Variants in FHIT observed in about 807,000 individuals in gnomAD.
The protein encoded by FHIT is fragile histidine triad diadenosine triphosphatase, also known as bis(5'-adenosyl)-triphosphatase.
Under a neutral mutation model 17.9 loss-of-function variants are expected in FHIT, and 19 were observed. That is an observed-to-expected ratio of 1.06 (90% CI 0.74 to 1.56). The LOEUF is 1.56. Among genes scored for constraint, FHIT ranks in the 40% most tolerant of loss-of-function variants. The probability of loss-of-function intolerance (pLI) is 0.00; values close to 1 mark genes in which losing one functional copy is unlikely to be tolerated. For missense variants in FHIT, 248 were observed against 189.2 expected (o/e 1.31, Z -1.82); for synonymous variants, 81 against 69.7 (o/e 1.16, Z -0.81).
intron 2 of FHIT, among the ~76,000 whole-genome samples, chr3:61,054,096 T>C (rs940155146): frequency 6.6e-6 from 1 of 152,180 alleles, no homozygotes; most frequent in Non-Finnish European, 1.5e-5. Flanking sequence ...ACAGCACTGG[T>C]GTGGTATCCC....
intron 5 of FHIT, among the ~76,000 whole-genome samples, chr3:60,272,608 C>T (rs1044013411): frequency 1.3e-5 from 2 of 152,190 alleles, no homozygotes; most frequent in Non-Finnish European, 2.9e-5. Context: ...TCAAAGAATA[C>T]TCTTGAAGTT....
intron 8 of FHIT, among the ~76,000 whole-genome samples, chr3:59,876,931 A>G (rs1265782299): frequency 6.6e-6 from 1 of 152,196 alleles, no homozygotes; most frequent in Non-Finnish European, 1.5e-5. Flanking sequence ...ATGCTCAGCT[A>G]GCTGAGGAGA....
In FHIT at chr3:60,631,069, C is replaced by A. The variant is rs146112381; in HGVS notation, c.-17-94090G>T. On this transcript the variant is annotated intron_variant, in intron 4 of 9. Coordinates refer to ENST00000492590, the MANE Select transcript of FHIT (RefSeq NM_002012.4). ...TAAGTTTCAAAGAGGAGGCAGATAA[C>A]TTTGAAGATTTTATTTCACAGGGGA... 5.0e-3 allele frequency among the ~76,000 whole-genome samples: 762 copies of A among 151,798 alleles called. 7 individuals are homozygous for A. The highest frequency in any genetic ancestry group is 0.016 in the African/African-American group (682 of 41,400).
intron 4 of FHIT, among the ~76,000 whole-genome samples, chr3:60,737,059 A>G (rs1215491694): frequency 2.0e-5 from 3 of 152,232 alleles, no homozygotes; most frequent in African/African-American, 7.2e-5. Context: ...GTCAACAAAT[A>G]TATAGCAGGC....
intron 5 of FHIT, among the ~76,000 whole-genome samples, chr3:60,165,637 A>G (rs895505357): frequency 1.3e-5 from 2 of 152,182 alleles, no homozygotes; most frequent in African/African-American, 4.8e-5. Flanking sequence ...GAGATTATAA[A>G]GATACCTATC....
Position 61,251,359 on chromosome 3 carries a change from C to T in FHIT, c.-271G>A, listed in dbSNP as rs1284257607. On this transcript the variant is annotated 5_prime_UTR_variant, in exon 1 of 10. Coordinates refer to ENST00000492590, the MANE Select transcript of FHIT (RefSeq NM_002012.4). ...AGAGGGAGGGAGCGCGGGGCCGGAGCGCCGCCTGGGAGTGTGCCCACTGGG... is the reference window on the plus strand; with the variant it reads ...AGAGGGAGGGAGCGCGGGGCCGGAGTGCCGCCTGGGAGTGTGCCCACTGGG... 6.5e-6 allele frequency: 1 copy of T among 153,102 alleles called. No individual in the cohort carries two copies. Among genetic ancestry groups the T allele is most frequent in the Non-Finnish European group, 1.5e-5 (1 of 68,658 alleles). 9.5% of individuals were successfully genotyped at this position (153,102 alleles called of 1,614,324 possible).
chr3:60,044,608 T>C lies in FHIT; in HGVS notation c.104-30456A>G, dbSNP rs180756702. 2.0e-3 allele frequency among the ~76,000 whole-genome samples: 307 copies of C among 152,220 alleles called. 2 individuals carry two copies. The highest frequency in any genetic ancestry group is 7.0e-3 in the African/African-American group (291 of 41,498). On this transcript the variant is annotated intron_variant, in intron 5 of 9. Transcript: ENST00000492590. Reference sequence around the variant, plus strand: ...ATATCATGGTAAAGGCCTGTAGAAATTGATCTACCAGACAAAACTCAAGAG... The same window carrying C: ...ATATCATGGTAAAGGCCTGTAGAAACTGATCTACCAGACAAAACTCAAGAG...
At position 60,371,633 on chromosome 3, in the gene FHIT, T is replaced by C. The variant is rs369971572; in HGVS notation, c.103+165227A>G. ...GCAATAACTTCTAACATTAGAGTTA[T>C]CATTCTGCTCTATGATGTAACTTAG... On this transcript the variant is annotated intron_variant, in intron 5 of 9. Coordinates refer to ENST00000492590, the MANE Select transcript of FHIT (RefSeq NM_002012.4). Among the ~76,000 whole-genome samples the C allele has an allele frequency of 1.3e-3, 196 of 152,316 alleles. 1 individual carries two copies. The highest frequency in any genetic ancestry group is 4.3e-3 in the African/African-American group (180 of 41,570).
intron 2 of FHIT, among the ~76,000 whole-genome samples, chr3:61,141,865 C>G (rs959370352): frequency 6.6e-6 from 1 of 151,562 alleles, no homozygotes; most frequent in Admixed American, 6.6e-5. Context: ...TTACTCAGGG[C>G]TTCTTTCTTT....
chr3:60,823,658 A>G (rs1702011326), intron 3 of FHIT, among the ~76,000 whole-genome samples: 1 of 152,206 alleles, frequency 6.6e-6, no homozygotes, highest in Non-Finnish European at 1.5e-5. Flanking sequence ...TTGATTTCAG[A>G]CTTGTAGCCT....
chr3:59,761,757 C>G (rs145121559), intron 8 of FHIT, among the ~76,000 whole-genome samples: 4 of 151,918 alleles, frequency 2.6e-5, no homozygotes, highest in African/African-American at 9.7e-5. Context: ...CGGGAGTGCA[C>G]CACCACACCT....
chr3:60,054,512 C>T (rs564150025), intron 5 of FHIT, among the ~76,000 whole-genome samples: 1 of 152,116 alleles, frequency 6.6e-6, no homozygotes, highest in Non-Finnish European at 1.5e-5. Context: ...TCAATGAGCA[C>T]CAGGGTTTTC....
intron 3 of FHIT, among the ~76,000 whole-genome samples, chr3:61,028,389 G>A (rs17634797): frequency 0.085 from 12,976 of 152,184 alleles, 749 homozygotes; most frequent in Non-Finnish European, 0.13. Flanking sequence ...TAGATACAAC[G>A]TGCTATGGGA....
intron 5 of FHIT, among the ~76,000 whole-genome samples, chr3:60,191,345 C>T (rs1281954319): frequency 1.3e-5 from 2 of 152,094 alleles, no homozygotes; most frequent in Non-Finnish European, 2.9e-5. Context: ...CTTTAATAAC[C>T]AACTGTTGAC....
intron 4 of FHIT, among the ~76,000 whole-genome samples, chr3:60,555,383 T>G (rs2036707924): frequency 6.6e-6 from 1 of 152,198 alleles, no homozygotes; most frequent in African/African-American, 2.4e-5. Flanking sequence ...AGATGCCTAT[T>G]ATACAACATT....
At chr3:59,964,046 T>C (rs1207188153) in intron 7 of FHIT, among the ~76,000 whole-genome samples, 1 of 152,172 alleles carries the variant, frequency 6.6e-6, no homozygotes, top group African/African-American at 2.4e-5. Context: ...AAATTTTCAA[T>C]TCGTTCAATG....
intron 5 of FHIT, among the ~76,000 whole-genome samples, chr3:60,533,576 G>A (rs975669216): frequency 6.6e-6 from 1 of 152,168 alleles, no homozygotes; most frequent in African/African-American, 2.4e-5. Context: ...GGAAGTGAGT[G>A]TCACAAACAG....
intron 2 of FHIT, among the ~76,000 whole-genome samples, chr3:61,062,569 T>C (rs1158880028): frequency 1.3e-5 from 2 of 152,180 alleles, no homozygotes; most frequent in Admixed American, 1.3e-4. Flanking sequence ...ATGGAAACTG[T>C]GACTCTCCAA....
At chr3:60,935,941 C>T (rs990998940) in intron 3 of FHIT, among the ~76,000 whole-genome samples, 5 of 152,128 alleles carry the variant, frequency 3.3e-5, no homozygotes, top group South Asian at 2.1e-4. Context: ...ATCATCAATG[C>T]GTGGCACATA....
Sources: allele counts gnomAD v4.1 joint callset (sites outside exome capture counted in the v4.1 genomes callset), GRCh38; gene constraint gnomAD v4.1.1; transcripts MANE v1.5; gene names NCBI Gene and HGNC (gene_info 2026-07-23, HGNC 2026-07-21).